SUMO2: variants seen among roughly 807,000 people sequenced by gnomAD.
The protein encoded by SUMO2 is small ubiquitin-related modifier 2.
A neutral mutation model predicts 16.0 loss-of-function variants in SUMO2; 1 was observed. That is an observed-to-expected ratio of 0.06 (90% CI 0.02 to 0.30). The LOEUF is 0.30. Among genes scored for constraint, SUMO2 ranks in the 10% least tolerant of loss-of-function variants. The pLI is 1.00. For synonymous variants in SUMO2, 36 were observed against 40.6 expected (o/e 0.89, Z 0.43); for missense variants, 16 against 117.5 (o/e 0.14, Z 3.99).
chr17:75,171,245 C>T (rs2074736181), intron 3 of SUMO2, among the ~76,000 whole-genome samples: 1 of 151,790 alleles, frequency 6.6e-6, no homozygotes, highest in Non-Finnish European at 1.5e-5. Context: ...TCTCCTGCCT[C>T]AGCCTCCCAA....
At chr17:75,180,406 A>C (rs906257578) in intron 2 of SUMO2, among the ~76,000 whole-genome samples, 1 of 144,114 alleles carries the variant, frequency 6.9e-6, no homozygotes, top group African/African-American at 2.5e-5. Context: ...AAAAAAAAAA[A>C]AAAAAAAAAA....
intron 1 of SUMO2, among the ~76,000 whole-genome samples, chr17:75,181,908 T>C (rs964305518): frequency 3.7e-4 from 18 of 48,052 alleles, no homozygotes; most frequent in African/African-American, 5.8e-4. Flanking sequence ...CAACCTAAAG[T>C]TGTCCAAAAT....
At chr17:75,169,389 T>C (rs2074718053) in intron 3 of SUMO2, among the ~76,000 whole-genome samples, 2 of 151,294 alleles carry the variant, frequency 1.3e-5, no homozygotes, top group South Asian at 4.2e-4. Flanking sequence ...AAAAAAATTT[T>C]TTTTTTTTTT....
chr17:75,181,284 G>C, intron 1 of SUMO2, 96 bp from the exon 2 acceptor site: 1 of 1,308,022 alleles, frequency 7.6e-7, no homozygotes, highest in Non-Finnish European at 1.1e-6. Flanking sequence ...AAAATCAACA[G>C]GTTTCTCATA....
chr17:75,168,157 T>G lies in SUMO2; in HGVS notation c.*182A>C, dbSNP rs901112601. The G allele has an allele frequency of 1.9e-5, 9 of 477,146 alleles. No individual in the cohort carries two copies. The highest frequency in any genetic ancestry group is 3.2e-5 in the Non-Finnish European group (9 of 278,356). 29.6% of individuals were successfully genotyped at this position (477,146 alleles called of 1,614,324 possible). A position where few individuals can be genotyped will look rare whatever the true frequency, so the allele number is the denominator to read the frequency against. On this transcript the variant is annotated 3_prime_UTR_variant, in exon 4 of 4. Coordinates refer to ENST00000420826, the MANE Select transcript of SUMO2 (RefSeq NM_006937.4). ...AAAAAAAAAAAAAATGCAATATGCT[T>G]GTGCACATATACCAGTTACTTTATG...
At chr17:75,171,277 C>T (rs1214550740) in intron 3 of SUMO2, among the ~76,000 whole-genome samples, 4 of 151,278 alleles carry the variant, frequency 2.6e-5, no homozygotes, top group African/African-American at 7.3e-5. Flanking sequence ...TACAGGCATG[C>T]GCCATCATGC....
intron 1 of SUMO2, among the ~76,000 whole-genome samples, chr17:75,182,060 G>A (rs1360123747): frequency 2.0e-5 from 3 of 152,080 alleles, no homozygotes; most frequent in African/African-American, 7.2e-5. Flanking sequence ...AAGTCTCCGG[G>A]TGCCTCAAAA....
At chr17:75,169,417 T>A (rs1214567908) in intron 3 of SUMO2, among the ~76,000 whole-genome samples, 3 of 150,424 alleles carry the variant, frequency 2.0e-5, no homozygotes, top group African/African-American at 7.3e-5. Flanking sequence ...GGAGTCTCCC[T>A]GTGTCGCCCA....
chr17:75,176,430 A>C (rs935117516), intron 2 of SUMO2, among the ~76,000 whole-genome samples: 1 of 152,010 alleles, frequency 6.6e-6, no homozygotes, highest in Non-Finnish European at 1.5e-5. Context: ...AGCCTGGCCA[A>C]TATGGTGAAA....
chr17:75,169,830 C>T (rs2074721993), intron 3 of SUMO2, among the ~76,000 whole-genome samples: 1 of 111,430 alleles, frequency 9.0e-6, no homozygotes, highest in East Asian at 2.8e-4. Context: ...ACACCGGTGA[C>T]AGAGTGAGAC....
intron 2 of SUMO2, among the ~76,000 whole-genome samples, chr17:75,176,954 T>G (rs1238555670): frequency 6.6e-6 from 1 of 151,278 alleles, no homozygotes; most frequent in East Asian, 2.0e-4. Flanking sequence ...GAGACTGAGG[T>G]GGAAGATCAC....
intron 2 of SUMO2, 74 bp downstream of exon 2, chr17:75,180,983 A>G: frequency 6.4e-7 from 1 of 1,566,182 alleles, no homozygotes; most frequent in Middle Eastern, 2.2e-4. Context: ...GTGCTAGTCT[A>G]GTTTTTGTTC....
intron 3 of SUMO2, among the ~76,000 whole-genome samples, chr17:75,169,943 T>C (rs1216245744): frequency 6.7e-6 from 1 of 149,074 alleles, no homozygotes; most frequent in Non-Finnish European, 1.5e-5. Context: ...TCACCTGAGG[T>C]CGGGAGTTCA....
chr17:75,180,276 T>A (rs970500501), intron 2 of SUMO2, among the ~76,000 whole-genome samples: 3 of 151,516 alleles, frequency 2.0e-5, no homozygotes, highest in East Asian at 3.9e-4. Context: ...ATTGCACCAC[T>A]GCACTCCAGC....
At chr17:75,176,738 A>C (rs1012986323) in intron 2 of SUMO2, among the ~76,000 whole-genome samples, 1 of 152,138 alleles carries the variant, frequency 6.6e-6, no homozygotes, top group Admixed American at 6.6e-5. Context: ...CAAATCTGTA[A>C]TTACTTACTG....
chr17:75,171,149 G>A (rs973568923), intron 3 of SUMO2, among the ~76,000 whole-genome samples: 1 of 150,704 alleles, frequency 6.6e-6, no homozygotes, highest in African/African-American at 2.4e-5. Flanking sequence ...TTTTTCTTGC[G>A]ATGGAGTTTC....
At chr17:75,173,123 A>G in intron 3 of SUMO2, among the ~76,000 whole-genome samples, 1 of 152,136 alleles carries the variant, frequency 6.6e-6, no homozygotes, top group East Asian at 1.9e-4. Flanking sequence ...ATCCAATTTA[A>G]ATTTCTACTA....
At chr17:75,179,033 T>C (rs2074806201) in intron 2 of SUMO2, among the ~76,000 whole-genome samples, 1 of 152,180 alleles carries the variant, frequency 6.6e-6, no homozygotes, top group African/African-American at 2.4e-5. Context: ...CCCAAAGTGC[T>C]GGATTACCAC....
At chr17:75,171,615 C>G (rs538794033) in intron 3 of SUMO2, among the ~76,000 whole-genome samples, 1 of 152,182 alleles carries the variant, frequency 6.6e-6, no homozygotes, top group South Asian at 2.1e-4. Context: ...GAGAATAATT[C>G]TAAAACGAAT....
Sources: gnomAD v4.1 joint callset for allele counts (sites outside exome capture counted in the v4.1 genomes callset) on GRCh38, gnomAD v4.1.1 for gene constraint, MANE v1.5 for transcripts, NCBI Gene and HGNC (gene_info 2026-07-23, HGNC 2026-07-21) for gene names.